Variants in DYNC2LI1 observed in about 807,000 individuals in gnomAD.
DYNC2LI1 encodes the protein dynein cytoplasmic 2 light intermediate chain 1.
In DYNC2LI1, 45 loss-of-function variants were observed where a neutral mutation model predicts 51.9. The ratio of observed to expected loss-of-function variants is 0.87; its 90% CI spans 0.68 to 1.11. The LOEUF (loss-of-function observed/expected upper bound fraction) is 1.11, where lower values mean the gene tolerates loss of function less well. DYNC2LI1 is among the 50% of genes most tolerant of loss of function. The pLI is 0.00. For synonymous variants in DYNC2LI1, 130 were observed against 137.8 expected (o/e 0.94, Z 0.40); for missense variants, 490 against 417.4 (o/e 1.17, Z -1.51).
the DYNC2LI1 span, among the ~76,000 whole-genome samples, chr2:43,819,492 T>C: frequency 6.6e-6 from 1 of 152,062 alleles, no homozygotes; most frequent in African/African-American, 2.4e-5. Context: ...TTTTTTTTTT[T>C]TGTCTGACTA....
At chr2:43,777,591 C>T (rs1237781584) in intron 2 of DYNC2LI1, among the ~76,000 whole-genome samples, 1 of 152,260 alleles carries the variant, frequency 6.6e-6, no homozygotes, top group Admixed American at 6.5e-5. Context: ...TAGCTCATTT[C>T]TGTGTGGGGT....
chr2:43,813,708 C>G (rs565464350), downstream of DYNC2LI1, among the ~76,000 whole-genome samples: 32 of 35,334 alleles, frequency 9.1e-4, no homozygotes, highest in East Asian at 2.8e-3. Context: ...TTTTTTTTTT[C>G]GTTTTTTTTT....
intron 3 of DYNC2LI1, 59 bp downstream of exon 3, chr2:43,783,613 G>A: frequency 8.8e-7 from 1 of 1,135,002 alleles, no homozygotes; most frequent in Non-Finnish European, 1.2e-6. Context: ...TATAGGGCAA[G>A]TTAGCTCTAA....
chr2:43,796,436 C>T (rs1218372253), intron 7 of DYNC2LI1, among the ~76,000 whole-genome samples: 1 of 151,954 alleles, frequency 6.6e-6, no homozygotes, highest in East Asian at 1.9e-4. Context: ...CTTATCTTTG[C>T]TTGTCAGAGA....
At chr2:43,824,826 A>C in the DYNC2LI1 span, 1 of 1,595,978 alleles carries the variant, frequency 6.3e-7, no homozygotes. Context: ...TCATCCAGGC[A>C]GAAGTCTGAG....
At chr2:43,794,734 A>G (rs767274747) in intron 6 of DYNC2LI1, 91 bp downstream of exon 6, 8 of 1,600,256 alleles carry the variant, frequency 5.0e-6, no homozygotes, top group Non-Finnish European at 6.8e-6. Context: ...ATTTTTATGC[A>G]TGACTTGAAA....
chr2:43,807,803 T>C (rs1666324165), intron 12 of DYNC2LI1, among the ~76,000 whole-genome samples: 1 of 151,120 alleles, frequency 6.6e-6, no homozygotes, highest in African/African-American at 2.4e-5. Context: ...TTTTAAGGTC[T>C]TCTTGGCCAA....
downstream of DYNC2LI1, chr2:43,813,383 G>A (rs1394932671): frequency 1.0e-5 from 11 of 1,065,400 alleles, no homozygotes; most frequent in African/African-American, 4.7e-5. Context: ...TTTACCAAGC[G>A]CTTGCTAAGT....
chr2:43,795,690 A>G (rs965510471), intron 6 of DYNC2LI1, among the ~76,000 whole-genome samples, 200 bp from the exon 7 acceptor site: 1 of 152,208 alleles, frequency 6.6e-6, no homozygotes, highest in African/African-American at 2.4e-5. Context: ...TAATTTAGGG[A>G]ATTGCCATTT....
At chr2:43,824,840 A>T in the DYNC2LI1 span, 1 of 1,609,354 alleles carries the variant, frequency 6.2e-7, no homozygotes. Context: ...GTCTGAGATG[A>T]GAAAGTTTAA....
intron 12 of DYNC2LI1, among the ~76,000 whole-genome samples, chr2:43,806,338 C>T (rs1011821285): frequency 3.9e-5 from 6 of 152,246 alleles, no homozygotes; most frequent in African/African-American, 1.2e-4. Flanking sequence ...CACGTTGTTG[C>T]GAGGGTAACC....
At position 43,794,268 on chromosome 2, in the gene DYNC2LI1, A is replaced by G. The variant is rs3749063; in HGVS notation, c.321-189A>G. 0.098 allele frequency: 52,820 copies of G among 541,136 alleles called. 3,452 individuals carry two copies. Among genetic ancestry groups the G allele is most frequent in the Admixed American group, 0.23 (6,656 of 28,820 alleles). 33.5% of individuals were successfully genotyped at this position (541,136 alleles called of 1,614,324 possible). On this transcript the variant is annotated intron_variant, in intron 5 of 12. Transcript: ENST00000260605. ...ACTATTGTAACACTTAAATATTACT[A>G]GAGGAAAGTATTGGAATAAATAAGG...
chr2:43,793,608 T>C (rs917363123), intron 5 of DYNC2LI1: 2 of 151,840 alleles, frequency 1.3e-5, no homozygotes, highest in Admixed American at 1.3e-4. Flanking sequence ...TTCTTTTTTT[T>C]TTTTTTTAAT....
the DYNC2LI1 span, chr2:43,827,934 A>G: frequency 6.8e-6 from 11 of 1,611,168 alleles, no homozygotes; most frequent in East Asian, 2.2e-4. Flanking sequence ...CTGCACACAC[A>G]CAGAAGATGC....
chr2:43,826,356 C>T, the DYNC2LI1 span: 14 of 1,613,374 alleles, frequency 8.7e-6, no homozygotes, highest in African/African-American at 1.3e-4. Flanking sequence ...ACCATAGACC[C>T]GGCCTTTACG....
At chr2:43,801,443 C>T in intron 9 of DYNC2LI1, 196 bp from the exon 10 acceptor site, 2 of 414,766 alleles carry the variant, frequency 4.8e-6, no homozygotes, top group Non-Finnish European at 4.3e-6. Flanking sequence ...ACTTTTTTTC[C>T]TATAAAATGT....
chr2:43,811,846 G>A (rs1217606443), downstream of DYNC2LI1, among the ~76,000 whole-genome samples: 1 of 151,958 alleles, frequency 6.6e-6, no homozygotes, highest in East Asian at 1.9e-4. Flanking sequence ...CACCCGCCTC[G>A]GCCTCCCAAA....
downstream of DYNC2LI1, among the ~76,000 whole-genome samples, chr2:43,813,673 T>G (rs1010492112): frequency 3.4e-5 from 5 of 148,378 alleles, no homozygotes; most frequent in Admixed American, 1.3e-4. Context: ...TTTTTTTGGT[T>G]GTTTTTTTTT....
chr2:43,795,576 C>G (rs1331386349), intron 6 of DYNC2LI1, among the ~76,000 whole-genome samples: 1 of 151,746 alleles, frequency 6.6e-6, no homozygotes, highest in Non-Finnish European at 1.5e-5. Context: ...TGGATAAATG[C>G]TGTTCCAACA....
Sources: gnomAD v4.1 joint callset for allele counts (sites outside exome capture counted in the v4.1 genomes callset) on GRCh38, gnomAD v4.1.1 for gene constraint, MANE v1.5 for transcripts, NCBI Gene and HGNC (gene_info 2026-07-23, HGNC 2026-07-21) for gene names.